Variants in AKAP6 observed in about 807,000 individuals in gnomAD.
The protein encoded by AKAP6 is A-kinase anchor protein 6.
In AKAP6, 58 loss-of-function variants were observed where a neutral mutation model predicts 188.5. The observed-to-expected ratio is 0.31, with a 90% CI of 0.25 to 0.38. The LOEUF is 0.38. AKAP6 is among the 10% of genes least tolerant of loss of function. The pLI is 1.00. For synonymous variants in AKAP6, 989 were observed against 998.6 expected (o/e 0.99, Z 0.18); for missense variants, 2,710 against 2,740.0 (o/e 0.99, Z 0.24).
chr14:32,572,285 A>G (rs11626762), intron 4 of AKAP6, among the ~76,000 whole-genome samples: 19,462 of 152,242 alleles, frequency 0.13, 1,491 homozygotes, highest in African/African-American at 0.21. Flanking sequence ...TGGTGACAAC[A>G]CAGCATTTAC....
chr14:32,456,731 G>C (rs1389429093), intron 2 of AKAP6, among the ~76,000 whole-genome samples: 1 of 152,210 alleles, frequency 6.6e-6, no homozygotes, highest in Non-Finnish European at 1.5e-5. Context: ...ACCAGAGTCA[G>C]AGAAGAGGAT....
At chr14:32,577,027 A>T (rs1229366830) in intron 4 of AKAP6, 93 bp from the exon 5 acceptor site, 1 of 1,440,086 alleles carries the variant, frequency 6.9e-7, no homozygotes, top group Non-Finnish European at 9.3e-7. Flanking sequence ...ATCATGGATA[A>T]AATTTGGAAC....
At chr14:32,499,328 C>CAAAAA (rs71432061) in intron 2 of AKAP6, among the ~76,000 whole-genome samples, 66 of 110,926 alleles carry the variant, frequency 5.9e-4, no homozygotes, top group East Asian at 1.1e-3. Context: ...AGTGTAACAG[C>CAAAAA]AAAAAAAAAA....
chr14:32,745,183 A>G (rs1341845814), intron 11 of AKAP6, among the ~76,000 whole-genome samples: 3 of 152,124 alleles, frequency 2.0e-5, no homozygotes, highest in African/African-American at 7.2e-5. Flanking sequence ...GTATCTGGGC[A>G]TTGAAGAGTT....
chr14:32,623,028 C>T (rs1886877729), intron 7 of AKAP6, among the ~76,000 whole-genome samples: 1 of 152,032 alleles, frequency 6.6e-6, no homozygotes, highest in African/African-American at 2.4e-5. Flanking sequence ...AAATCAGTCC[C>T]CGCACAGGCC....
At chr14:32,369,109 G>A (rs1236148576) in intron 1 of AKAP6, among the ~76,000 whole-genome samples, 2 of 152,110 alleles carry the variant, frequency 1.3e-5, no homozygotes, top group Admixed American at 1.3e-4. Flanking sequence ...CTTCAAATGT[G>A]GTTAAAAACC....
At chr14:32,728,200 A>ATTT (rs3033287) in intron 9 of AKAP6, among the ~76,000 whole-genome samples, 2 of 71,066 alleles carry the variant, frequency 2.8e-5, no homozygotes, top group African/African-American at 5.3e-5. Context: ...ACATCCCTGG[A>ATTT]TTTTTTTTTT....
chr14:32,509,646 A>G (rs1881072646), intron 2 of AKAP6, among the ~76,000 whole-genome samples: 1 of 152,160 alleles, frequency 6.6e-6, no homozygotes, highest in African/African-American at 2.4e-5. Flanking sequence ...TTTAAATTAC[A>G]CTGTTCTGTC....
At chr14:32,569,303 T>C (rs948755909) in intron 4 of AKAP6, among the ~76,000 whole-genome samples, 12 of 152,356 alleles carry the variant, frequency 7.9e-5, no homozygotes, top group African/African-American at 2.6e-4. Flanking sequence ...AAATATTTCA[T>C]TGGGCGTTTC....
At chr14:32,334,526 CTGTTT>C (rs1886628859) in intron 1 of AKAP6, among the ~76,000 whole-genome samples, 1 of 152,098 alleles carries the variant, frequency 6.6e-6, no homozygotes, top group Admixed American at 6.5e-5. Context: ...TACAATTGTT[CTGTTT>C]TATTATTAGT....
intron 8 of AKAP6, among the ~76,000 whole-genome samples, chr14:32,686,849 T>A (rs1017574527): frequency 6.6e-6 from 1 of 152,180 alleles, no homozygotes; most frequent in Admixed American, 6.5e-5. Context: ...TACCCCAGTC[T>A]CATCAGCTGT....
intron 11 of AKAP6, among the ~76,000 whole-genome samples, chr14:32,757,863 T>A (rs942649616): frequency 1.3e-5 from 2 of 152,118 alleles, no homozygotes; most frequent in African/African-American, 4.8e-5. Context: ...AGTGAGGAAA[T>A]TCCTGGAATA....
chr14:32,764,330 A>G (rs2032636636), intron 11 of AKAP6, among the ~76,000 whole-genome samples: 1 of 152,220 alleles, frequency 6.6e-6, no homozygotes, highest in Non-Finnish European at 1.5e-5. Flanking sequence ...CTGAGCTTAA[A>G]TTCTGTATAG....
At chr14:32,825,442 G>T (rs1328081934) in intron 13 of AKAP6, among the ~76,000 whole-genome samples, 1 of 152,194 alleles carries the variant, frequency 6.6e-6, no homozygotes, top group East Asian at 1.9e-4. Flanking sequence ...TTGAGAACAG[G>T]CTCAGAAAGC....
At chr14:32,510,492 A>ATATATATATACACATATATATATATG (rs1566547071) in intron 2 of AKAP6, among the ~76,000 whole-genome samples, 1 of 113,444 alleles carries the variant, frequency 8.8e-6, no homozygotes, top group Admixed American at 9.6e-5. Flanking sequence ...ATATATGTGT[A>ATATATATATACACATATATATATATG]TATATATATA....
chr14:32,768,167 C>T (rs985771149), intron 11 of AKAP6, among the ~76,000 whole-genome samples: 6 of 152,302 alleles, frequency 3.9e-5, no homozygotes, highest in East Asian at 3.9e-4. Context: ...CAGACAAATG[C>T]ATCTTCTAAA....
chr14:32,695,823 G>A (rs1890379435), intron 8 of AKAP6, among the ~76,000 whole-genome samples, 167 bp from the exon 9 acceptor site: 1 of 152,140 alleles, frequency 6.6e-6, no homozygotes, highest in Admixed American at 6.5e-5. Context: ...TGTGTCGCAG[G>A]TTTGAGTTTC....
chr14:32,540,490 C>A (rs1882899767), intron 3 of AKAP6, among the ~76,000 whole-genome samples: 1 of 151,992 alleles, frequency 6.6e-6, no homozygotes, highest in Non-Finnish European at 1.5e-5. Flanking sequence ...TAAGCTACTG[C>A]GCCTGGCCTG....
At chr14:32,522,987 T>C (rs1881924119) in intron 2 of AKAP6, among the ~76,000 whole-genome samples, 1 of 152,202 alleles carries the variant, frequency 6.6e-6, no homozygotes, top group Admixed American at 6.5e-5. Context: ...CATGGAATGC[T>C]ATGCAGCCAC....
Sources: gnomAD v4.1 joint callset for allele counts (sites outside exome capture counted in the v4.1 genomes callset) on GRCh38, gnomAD v4.1.1 for gene constraint, MANE v1.5 for transcripts, NCBI Gene and HGNC (gene_info 2026-07-23, HGNC 2026-07-21) for gene names.